Variants in NEK1 observed in about 807,000 individuals in gnomAD.
NEK1 encodes the protein NIMA related kinase 1, also known as serine/threonine-protein kinase Nek1.
A neutral mutation model predicts 182.1 loss-of-function variants in NEK1; 137 were observed. That is an observed-to-expected ratio of 0.75 (90% CI 0.65 to 0.87). NEK1 has a LOEUF of 0.87. NEK1 is among the 40% of genes least tolerant of loss of function. NEK1 has a pLI of 0.00. For synonymous variants in NEK1, 513 were observed against 492.2 expected, an observed-to-expected ratio of 1.04 and a Z score of -0.56; for missense variants, 1,391 against 1,494.4, an observed-to-expected ratio of 0.93 and a Z score of 1.14.
chr4:169,592,866 A>G (rs1317149111), intron 5 of NEK1, among the ~76,000 whole-genome samples: 2 of 152,184 alleles, frequency 1.3e-5, no homozygotes, highest in African/African-American at 4.8e-5. Flanking sequence ...ACAAATACCT[A>G]TAATAATTGC....
At chr4:169,497,710 C>A (rs547624158) in intron 23 of NEK1, among the ~76,000 whole-genome samples, 4 of 152,126 alleles carry the variant, frequency 2.6e-5, no homozygotes, top group Non-Finnish European at 5.9e-5. Flanking sequence ...CGTAGTTGAG[C>A]GGTTTTGAGT....
chr4:169,495,392 C>T (rs555186114), intron 23 of NEK1, among the ~76,000 whole-genome samples: 41 of 151,976 alleles, frequency 2.7e-4, no homozygotes, highest in African/African-American at 7.5e-4. Flanking sequence ...TACAGGCGCG[C>T]GCCACCATGA....
At chr4:169,508,683 T>G in intron 20 of NEK1, 86 bp downstream of exon 20, 2 of 1,016,290 alleles carry the variant, frequency 2.0e-6, no homozygotes, top group South Asian at 3.8e-5. Flanking sequence ...CAAATAATTG[T>G]TAAGAATTTA....
At chr4:169,549,947 C>T (rs1370906149) in intron 18 of NEK1, among the ~76,000 whole-genome samples, 1 of 152,136 alleles carries the variant, frequency 6.6e-6, no homozygotes, top group East Asian at 1.9e-4. Context: ...GTCTTGAGCT[C>T]CTGATCTCAA....
At chr4:169,435,282 A>G (rs1738191096) in intron 28 of NEK1, among the ~76,000 whole-genome samples, 1 of 152,158 alleles carries the variant, frequency 6.6e-6, no homozygotes, top group African/African-American at 2.4e-5. Context: ...AAGGGCACCA[A>G]TCCCATTAAT....
At position 169,576,769 on chromosome 4, in the gene NEK1, G is replaced by C. The variant is rs118053724; in HGVS notation, c.1020+159C>G. 1.0e-4 allele frequency: 63 copies of C among 623,014 alleles called. No individual in the cohort carries two copies. The East Asian group carries it at 1.8e-3, about 18-fold the overall frequency. The allele number at this position is 623,014 out of a possible 1,614,324, so 38.6% of individuals were successfully genotyped here. The stretch of plus-strand genomic sequence containing the variant: ...AATGACTTTTTATGACTCCTGTAAG[G>C]CTTCTCAGTTTTAGAGGACTGGTAA... On this transcript the variant is annotated intron_variant, in intron 12 of 35. Coordinates refer to ENST00000507142, the MANE Select transcript of NEK1 (RefSeq NM_001199397.3).
intron 7 of NEK1, among the ~76,000 whole-genome samples, chr4:169,589,029 G>A (rs983872901): frequency 1.3e-5 from 2 of 152,136 alleles, no homozygotes; most frequent in Non-Finnish European, 2.9e-5. Context: ...CTCACAGAAA[G>A]CAACTTCCAG....
Position 169,531,130 on chromosome 4 carries a change from A to T in NEK1, c.1665+6679T>A, listed in dbSNP as rs576412549. 7.7e-4 allele frequency among the ~76,000 whole-genome samples: 117 copies of T among 152,130 alleles called. 1 individual carries two copies. The highest frequency in any genetic ancestry group is 2.6e-3 in the African/African-American group (107 of 41,512). ...GAAGGCATTAAGAAATTGTAGCCAG[A>T]GAAATAAAGGGTAAATCAAGAGAAT... On this transcript the variant is annotated intron_variant, in intron 19 of 35. Coordinates refer to ENST00000507142, the MANE Select transcript of NEK1 (RefSeq NM_001199397.3).
chr4:169,539,928 G>A (rs1273472320), intron 18 of NEK1, among the ~76,000 whole-genome samples: 1 of 152,070 alleles, frequency 6.6e-6, no homozygotes, highest in Non-Finnish European at 1.5e-5. Flanking sequence ...CTTACAATTG[G>A]CATAGGTTAA....
intron 19 of NEK1, among the ~76,000 whole-genome samples, chr4:169,528,948 C>T (rs1757283538): frequency 6.6e-6 from 1 of 151,876 alleles, no homozygotes. Context: ...GAAATAAAAC[C>T]AGAAAACGAC....
In NEK1 at chr4:169,414,580, CT is replaced by C. The variant is rs1200177346; in HGVS notation, c.3223-7834del. Among the ~76,000 whole-genome samples, 13 of 152,260 alleles carry C rather than the reference CT, an allele frequency of 8.5e-5. No individual in the cohort carries two copies. In the South Asian group the frequency reaches 2.7e-3, roughly 32 times the overall value. On this transcript the variant is annotated intron_variant, in intron 31 of 35. Coordinates refer to ENST00000507142, the MANE Select transcript of NEK1 (RefSeq NM_001199397.3). ...GTTGACATATAACATACTTTAAACA[CT>C]TTCCAGGCTGCAATTAGGTCAACTG...
chr4:169,527,494 G>A (rs781503433), intron 19 of NEK1, among the ~76,000 whole-genome samples: 4 of 152,020 alleles, frequency 2.6e-5, no homozygotes, highest in Non-Finnish European at 4.4e-5. Context: ...GTCTGCTAAC[G>A]TAATACAAGA....
At chr4:169,583,889 T>C (rs1767090250) in intron 10 of NEK1, among the ~76,000 whole-genome samples, 1 of 152,210 alleles carries the variant, frequency 6.6e-6, no homozygotes, top group Non-Finnish European at 1.5e-5. Flanking sequence ...AACAGTAAAA[T>C]CAACATCTGT....
intron 18 of NEK1, among the ~76,000 whole-genome samples, chr4:169,546,296 G>C (rs1392293922): frequency 6.6e-6 from 1 of 152,168 alleles, no homozygotes; most frequent in East Asian, 1.9e-4. Flanking sequence ...GTGCGATTTT[G>C]AGTGAGTTTC....
intron 16 of NEK1, among the ~76,000 whole-genome samples, chr4:169,556,708 T>C (rs770108637): frequency 2.1e-5 from 3 of 145,960 alleles, no homozygotes; most frequent in Non-Finnish European, 4.5e-5. Context: ...AATTCCAAAG[T>C]AGTAAGTGCT....
intron 28 of NEK1, among the ~76,000 whole-genome samples, chr4:169,435,226 T>C (rs1330263381): frequency 6.6e-6 from 1 of 150,972 alleles, no homozygotes; most frequent in African/African-American, 2.5e-5. Flanking sequence ...TTCCTCCTTG[T>C]ATCCGTATGT....
chr4:169,568,235 T>C (rs1164603897), intron 12 of NEK1, among the ~76,000 whole-genome samples: 1 of 152,190 alleles, frequency 6.6e-6, no homozygotes, highest in Non-Finnish European at 1.5e-5. Flanking sequence ...CCCATCTCTC[T>C]CTACCCCCAC....
At chr4:169,594,696 C>T (rs1263071956) in intron 5 of NEK1, among the ~76,000 whole-genome samples, 1 of 152,132 alleles carries the variant, frequency 6.6e-6, no homozygotes, top group Non-Finnish European at 1.5e-5. Flanking sequence ...TTTCAGGATA[C>T]TTCTCACTAA....
At chr4:169,428,351 G>GATGGATATATATATAT (rs1736771016) in intron 29 of NEK1, among the ~76,000 whole-genome samples, 1 of 93,224 alleles carries the variant, frequency 1.1e-5, no homozygotes, top group African/African-American at 3.3e-5. Context: ...AAATATATGG[G>GATGGATATATATATAT]ATATATATAT....
Sources: gnomAD v4.1 joint callset for allele counts (sites outside exome capture counted in the v4.1 genomes callset) on GRCh38, gnomAD v4.1.1 for gene constraint, MANE v1.5 for transcripts, NCBI Gene and HGNC (gene_info 2026-07-23, HGNC 2026-07-21) for gene names.